SGCD: variants seen among roughly 807,000 people sequenced by gnomAD.
The protein encoded by SGCD is delta-sarcoglycan.
A neutral mutation model predicts 36.6 loss-of-function variants in SGCD; 18 were observed. That is an observed-to-expected ratio of 0.49 (90% CI 0.34 to 0.73). The LOEUF (loss-of-function observed/expected upper bound fraction) is 0.73. Among genes scored for constraint, SGCD ranks in the 30% least tolerant of loss-of-function variants. The pLI is 0.01. For synonymous variants in SGCD, 133 were observed against 130.6 expected, an observed-to-expected ratio of 1.02 and a Z score of -0.12; for missense variants, 387 against 346.7, an observed-to-expected ratio of 1.12 and a Z score of -0.92.
intron 3 of SGCD, among the ~76,000 whole-genome samples, chr5:156,444,091 T>C (rs1254014116): frequency 7.7e-5 from 9 of 116,598 alleles, no homozygotes; most frequent in African/African-American, 2.3e-4. Flanking sequence ...TCTCTCTCTC[T>C]CTCTCTCTCT....
intron 1 of SGCD, among the ~76,000 whole-genome samples, chr5:156,073,913 A>T (rs777413494): frequency 1.1e-4 from 17 of 152,198 alleles, no homozygotes; most frequent in Non-Finnish European, 2.2e-4. Flanking sequence ...AGAGGAGAGA[A>T]AAGTGGCAAA....
chr5:155,755,392 G>C, the SGCD span, among the ~76,000 whole-genome samples: 1 of 152,120 alleles, frequency 6.6e-6, no homozygotes, highest in African/African-American at 2.4e-5. Flanking sequence ...CCTATGCTAA[G>C]AGACTAATAG....
chr5:156,388,335 G>C (rs766320297), intron 3 of SGCD, among the ~76,000 whole-genome samples: 1 of 152,128 alleles, frequency 6.6e-6, no homozygotes, highest in African/African-American at 2.4e-5. Flanking sequence ...TTAGCAGAAA[G>C]ACAATAGATG....
intron 6 of SGCD, among the ~76,000 whole-genome samples, chr5:156,643,439 G>C (rs1266578216): frequency 6.6e-6 from 1 of 152,036 alleles, no homozygotes; most frequent in African/African-American, 2.4e-5. Flanking sequence ...GCTTGATACA[G>C]ATTTATTAAG....
chr5:156,605,041 T>G (rs1047816866), intron 6 of SGCD, among the ~76,000 whole-genome samples: 15 of 151,514 alleles, frequency 9.9e-5, no homozygotes, highest in East Asian at 1.9e-4. Context: ...TTTTTTTCTC[T>G]TGTGTGTGTG....
chr5:156,519,689 C>T (rs1303788473), intron 4 of SGCD, among the ~76,000 whole-genome samples: 1 of 152,180 alleles, frequency 6.6e-6, no homozygotes, highest in East Asian at 1.9e-4. Context: ...TCTGTTTCAT[C>T]TCTGGAAAGC....
chr5:155,890,888 G>A (rs1028948758), intron 1 of SGCD, among the ~76,000 whole-genome samples: 1 of 152,024 alleles, frequency 6.6e-6, no homozygotes, highest in Non-Finnish European at 1.5e-5. Flanking sequence ...GAGTTCAGTC[G>A]GCCTAGCTTA....
intron 6 of SGCD, among the ~76,000 whole-genome samples, chr5:156,642,745 G>C (rs1763084114): frequency 6.6e-6 from 1 of 152,046 alleles, no homozygotes; most frequent in Non-Finnish European, 1.5e-5. Context: ...GGGATTACAG[G>C]TGTGAGCCAC....
At chr5:155,917,206 A>C (rs1439996516) in intron 1 of SGCD, among the ~76,000 whole-genome samples, 1 of 152,182 alleles carries the variant, frequency 6.6e-6, no homozygotes, top group Non-Finnish European at 1.5e-5. Context: ...CCATTTGATC[A>C]GTGCCAAATG....
intron 1 of SGCD, among the ~76,000 whole-genome samples, chr5:155,892,370 G>A (rs1347576536): frequency 2.1e-5 from 3 of 145,374 alleles, no homozygotes; most frequent in East Asian, 4.2e-4. Flanking sequence ...CAGTAGAATC[G>A]CTTGAACACA....
At chr5:156,215,699 G>A (rs249881) in intron 3 of SGCD, among the ~76,000 whole-genome samples, 38,862 of 152,026 alleles carry the variant, frequency 0.26, 5,474 homozygotes, top group Non-Finnish European at 0.31. Flanking sequence ...AAAAAAGTGA[G>A]GATGTAGAGA....
intron 4 of SGCD, among the ~76,000 whole-genome samples, chr5:156,581,344 G>A (rs1191333740): frequency 1.3e-5 from 2 of 152,172 alleles, no homozygotes; most frequent in African/African-American, 2.4e-5. Context: ...CCCCTACTGG[G>A]AGGTGTCTCC....
intron 4 of SGCD, among the ~76,000 whole-genome samples, chr5:156,530,972 G>T (rs899599409): frequency 6.6e-6 from 1 of 152,164 alleles, no homozygotes; most frequent in Admixed American, 6.5e-5. Context: ...TCGGGTTAGG[G>T]AGTGTTGTGG....
At chr5:156,119,912 A>C (rs1277344083) in intron 2 of SGCD, among the ~76,000 whole-genome samples, 4 of 152,198 alleles carry the variant, frequency 2.6e-5, no homozygotes, top group Non-Finnish European at 5.9e-5. Flanking sequence ...GATTCCCTGA[A>C]GCGTTCAAGG....
chr5:156,355,837 A>C (rs1050166224), intron 3 of SGCD, among the ~76,000 whole-genome samples: 6 of 152,208 alleles, frequency 3.9e-5, no homozygotes, highest in South Asian at 2.1e-4. Context: ...GGGTTTCGCC[A>C]TGCTGGCCAG....
chr5:155,730,519 A>G, the SGCD span, among the ~76,000 whole-genome samples: 1 of 144,476 alleles, frequency 6.9e-6, no homozygotes. Flanking sequence ...TGGAACCTAC[A>G]TACATAGTAG....
At chr5:156,348,072 A>G (rs1769039173) in intron 3 of SGCD, among the ~76,000 whole-genome samples, 1 of 152,212 alleles carries the variant, frequency 6.6e-6, no homozygotes, top group African/African-American at 2.4e-5. Flanking sequence ...TCATGGTATA[A>G]AGGATATTCT....
intron 3 of SGCD, among the ~76,000 whole-genome samples, chr5:156,222,936 G>A (rs1162116525): frequency 6.6e-6 from 1 of 151,846 alleles, no homozygotes; most frequent in Non-Finnish European, 1.5e-5. Context: ...TTTAAAGATG[G>A]GTTTCTCCCA....
intron 1 of SGCD, among the ~76,000 whole-genome samples, chr5:155,961,485 C>T (rs1326884778): frequency 6.6e-6 from 1 of 152,044 alleles, no homozygotes; most frequent in Non-Finnish European, 1.5e-5. Flanking sequence ...ACCAGTTGCT[C>T]CCTTTGGCAT....
Sources: allele counts gnomAD v4.1 joint callset (sites outside exome capture counted in the v4.1 genomes callset), GRCh38; gene constraint gnomAD v4.1.1; transcripts MANE v1.5; gene names NCBI Gene and HGNC (gene_info 2026-07-23, HGNC 2026-07-21).